RBFOX2: variants seen among roughly 807,000 people sequenced by gnomAD.
RBFOX2 encodes RNA binding protein fox-1 homolog 2.
Under a neutral mutation model 49.1 loss-of-function variants are expected in RBFOX2, and 10 were observed. The ratio of observed to expected loss-of-function variants is 0.20; its 90% confidence interval spans 0.13 to 0.35. The LOEUF is 0.35. Among genes scored for constraint, RBFOX2 ranks in the 10% least tolerant of loss-of-function variants. RBFOX2 has a pLI of 1.00. For missense variants in RBFOX2, 323 were observed against 486.9 expected (o/e 0.66, Z 3.17); for synonymous variants, 183 against 187.4 (o/e 0.98, Z 0.19).
chr22:35,878,922 G>A (rs1222757909), intron 1 of RBFOX2, among the ~76,000 whole-genome samples: 1 of 151,718 alleles, frequency 6.6e-6, no homozygotes, highest in Non-Finnish European at 1.5e-5. Context: ...AGTAGAGATG[G>A]GGTTTCACCA....
intron 2 of RBFOX2, among the ~76,000 whole-genome samples, chr22:35,793,142 C>A (rs924472975): frequency 6.6e-6 from 1 of 151,664 alleles, no homozygotes; most frequent in African/African-American, 2.4e-5. Context: ...GAGGCCAAGG[C>A]GGGTGGATCA....
chr22:35,973,189 C>G (rs1162278741), intron 1 of RBFOX2, among the ~76,000 whole-genome samples: 1 of 152,222 alleles, frequency 6.6e-6, no homozygotes, highest in Non-Finnish European at 1.5e-5. Flanking sequence ...AGTCCTCTAA[C>G]TGATGCTTCC....
chr22:35,991,910 C>T (rs1332205217), intron 1 of RBFOX2, among the ~76,000 whole-genome samples: 1 of 152,146 alleles, frequency 6.6e-6, no homozygotes, highest in East Asian at 1.9e-4. Context: ...TACTTTTTTA[C>T]ACACCTAATA....
chr22:35,773,062 A>C (rs1260309794), intron 4 of RBFOX2, among the ~76,000 whole-genome samples: 4 of 151,094 alleles, frequency 2.6e-5, no homozygotes, highest in Non-Finnish European at 4.4e-5. Context: ...AAAAAAAAAC[A>C]AACTAAGCCC....
rs777512624 is a variant in RBFOX2 at position 35,746,487 on chromosome 22, G to A, written c.962C>T (p.Pro321Leu). 1.9e-6 allele frequency: 3 copies of A among 1,601,074 alleles called. No homozygotes were observed. Among genetic ancestry groups the A allele is most frequent in the African/African-American group, 1.3e-5 (1 of 74,346 alleles). Residue 321 changes from proline to leucine, a missense_variant, in exon 10 of 12, where the codon CCG becomes CTG. Pro to Leu is a moderately conservative substitution (Grantham distance 98). Transcript: ENST00000405409. ...TCTGTACATACCCGTCACTGTAAGC[G>A]GCTGCAGCGGCTGCAGCAGCGGTGG...
chr22:35,783,741 G>A (rs1945752683), intron 2 of RBFOX2, among the ~76,000 whole-genome samples: 1 of 152,140 alleles, frequency 6.6e-6, no homozygotes, highest in Non-Finnish European at 1.5e-5. Flanking sequence ...GTCCTGCATG[G>A]AATCACTGAT....
chr22:35,757,802 A>G (rs1937433331), intron 9 of RBFOX2, among the ~76,000 whole-genome samples: 1 of 152,182 alleles, frequency 6.6e-6, no homozygotes, highest in South Asian at 2.1e-4. Context: ...ATTTTAAGGA[A>G]AAAAACAACT....
chr22:36,018,410 G>A (rs746222221), intron 1 of RBFOX2, among the ~76,000 whole-genome samples: 3 of 152,240 alleles, frequency 2.0e-5, no homozygotes, highest in Non-Finnish European at 4.4e-5. Flanking sequence ...AGAAGGGAAA[G>A]GAACAAAAGC....
chr22:35,861,660 A>T (rs2043109621), intron 1 of RBFOX2, among the ~76,000 whole-genome samples: 1 of 152,194 alleles, frequency 6.6e-6, no homozygotes, highest in Non-Finnish European at 1.5e-5. Flanking sequence ...GCTATGGAGG[A>T]ACCGAAAGTC....
At chr22:35,859,248 C>T (rs1392557081) in intron 1 of RBFOX2, among the ~76,000 whole-genome samples, 1 of 152,032 alleles carries the variant, frequency 6.6e-6, no homozygotes, top group African/African-American at 2.4e-5. Flanking sequence ...TTAAAATGTA[C>T]TTTAAAAAAA....
upstream of RBFOX2, among the ~76,000 whole-genome samples, chr22:35,964,644 A>C (rs1044705930): frequency 5.3e-5 from 8 of 152,188 alleles, no homozygotes; most frequent in Non-Finnish European, 1.2e-4. Flanking sequence ...GTCAGGATCT[A>C]TACATTAGAT....
At chr22:36,021,110 G>A (rs559984617) in intron 1 of RBFOX2, among the ~76,000 whole-genome samples, 9 of 152,104 alleles carry the variant, frequency 5.9e-5, no homozygotes, top group Admixed American at 2.6e-4. Flanking sequence ...CATGGATGAA[G>A]CTGGAAACCA....
At chr22:35,851,851 C>T (rs1403820249) in intron 1 of RBFOX2, among the ~76,000 whole-genome samples, 1 of 151,568 alleles carries the variant, frequency 6.6e-6, no homozygotes, top group Non-Finnish European at 1.5e-5. Context: ...AAAAAAGTTG[C>T]TCTTAATACA....
chr22:35,881,142 G>A (rs1034496614), intron 1 of RBFOX2, among the ~76,000 whole-genome samples: 2 of 152,156 alleles, frequency 1.3e-5, no homozygotes, highest in Admixed American at 6.5e-5. Context: ...GCGGGCGCCT[G>A]TAGTCCAGCC....
chr22:35,921,190 G>C (rs140412915), intron 1 of RBFOX2, among the ~76,000 whole-genome samples: 19 of 152,216 alleles, frequency 1.2e-4, no homozygotes, highest in African/African-American at 4.6e-4. Flanking sequence ...TGCTTTTAAG[G>C]CTTGCTGTTC....
At chr22:35,925,030 A>G (rs979794093) in intron 1 of RBFOX2, among the ~76,000 whole-genome samples, 1 of 151,594 alleles carries the variant, frequency 6.6e-6, no homozygotes, top group African/African-American at 2.4e-5. Flanking sequence ...ATAAATATAT[A>G]TATATATAAA....
chr22:35,916,192 C>T (rs2050382334), intron 1 of RBFOX2, among the ~76,000 whole-genome samples: 1 of 152,228 alleles, frequency 6.6e-6, no homozygotes, highest in Admixed American at 6.5e-5. Flanking sequence ...CACTTTCCAG[C>T]TCTGTGACTT....
At chr22:36,025,026 T>C (rs1280746679) in intron 1 of RBFOX2, among the ~76,000 whole-genome samples, 1 of 152,090 alleles carries the variant, frequency 6.6e-6, no homozygotes, top group Non-Finnish European at 1.5e-5. Flanking sequence ...CAGGCTGGTC[T>C]CGAACTCCTG....
intron 1 of RBFOX2, among the ~76,000 whole-genome samples, chr22:35,895,527 A>G (rs2047738765): frequency 6.6e-6 from 1 of 152,180 alleles, no homozygotes. Flanking sequence ...TTAATCTTGC[A>G]AGATTTCAAA....
Sources: gnomAD v4.1 joint callset for allele counts (sites outside exome capture counted in the v4.1 genomes callset) on GRCh38, gnomAD v4.1.1 for gene constraint, MANE v1.5 for transcripts, NCBI Gene and HGNC (gene_info 2026-07-23, HGNC 2026-07-21) for gene names.